CDH7: variants seen among roughly 807,000 people sequenced by gnomAD.
The protein encoded by CDH7 is cadherin 7.
A neutral mutation model predicts 71.8 loss-of-function variants in CDH7; 25 were observed. The ratio of observed to expected loss-of-function variants is 0.35; its 90% confidence interval spans 0.25 to 0.49. The LOEUF is 0.49. Ranked by LOEUF, CDH7 falls within the 20% of genes least tolerant of loss-of-function variation. The pLI, the probability that CDH7 is intolerant of heterozygous loss-of-function variation, is 0.99. For missense variants in CDH7, 862 were observed against 974.6 expected, an observed-to-expected ratio of 0.88 and a Z score of 1.54; for synonymous variants, 381 against 363.8, an observed-to-expected ratio of 1.05 and a Z score of -0.54.
intron 1 of CDH7, among the ~76,000 whole-genome samples, chr18:65,751,550 G>T (rs1030501513): frequency 8.5e-5 from 13 of 152,288 alleles, no homozygotes; most frequent in African/African-American, 2.9e-4. Context: ...ACTCCGCGCC[G>T]GCTGTGCCGC....
chr18:65,811,966 C>CTTTTTTTTTT (rs57594274), intron 3 of CDH7, among the ~76,000 whole-genome samples: 86 of 95,878 alleles, frequency 9.0e-4, no homozygotes, highest in African/African-American at 1.8e-3. Flanking sequence ...CTTTTCTTTT[C>CTTTTTTTTTT]TTTTTTTTTT....
intron 2 of CDH7, among the ~76,000 whole-genome samples, chr18:65,781,799 CTTCCTTCCTTCCTTCCTTCCTTCTTTCT>C (rs1355539994): frequency 1.6e-5 from 1 of 63,658 alleles, no homozygotes; most frequent in African/African-American, 1.1e-4. Context: ...TCCTTCCTTC[CTTCCTTCCTTCCTTCCTTCCTTCTTTCT>C]TTCTTTCTTT....
rs370387600 is a variant in CDH7 at position 65,816,890 on chromosome 18, AT to A, written c.625+2288del. On this transcript the variant is annotated intron_variant, in intron 4 of 11. Transcript: ENST00000397968. ...CTAGGAGATTATGGACATTACATTT[AT>A]TCCATTAAACATACTTAGGAGTATT... Among the ~76,000 whole-genome samples the A allele has an allele frequency of 2.6e-3, 397 of 152,306 alleles. 4 individuals carry two copies. Among genetic ancestry groups the A allele is most frequent in the African/African-American group, 9.0e-3 (375 of 41,566 alleles).
chr18:65,853,241 TC>T (rs1323896284), intron 7 of CDH7, among the ~76,000 whole-genome samples: 5 of 152,198 alleles, frequency 3.3e-5, no homozygotes, highest in African/African-American at 4.8e-5. Flanking sequence ...TAGTGGTGGT[TC>T]ATGACTAGGA....
chr18:65,862,904 C>G lies in CDH7; in HGVS notation c.1851C>G (p.Val617=). The G allele has an allele frequency of 6.2e-7, 1 of 1,614,104 alleles. No individual in the cohort carries two copies. Among genetic ancestry groups the G allele is most frequent in the Non-Finnish European group, 8.5e-7 (1 of 1,179,994 alleles). Residue 617 remains valine, a synonymous_variant, in exon 11 of 12, where the codon GTC becomes GTG. Transcript: ENST00000397968. ...CCCTGATAGCCATACTCGCCTGTGTCTTGACATTATTGGGTAGGTACTGTT... is the reference window on the plus strand; with the variant it reads ...CCCTGATAGCCATACTCGCCTGTGTGTTGACATTATTGGGTAGGTACTGTT... ...TGALIAILAC[V]LTLLVLILLI...
chr18:65,799,835 A>C (rs538103896), intron 2 of CDH7, among the ~76,000 whole-genome samples: 72 of 152,180 alleles, frequency 4.7e-4, no homozygotes, highest in African/African-American at 1.6e-3. Context: ...GGCAAAAAGG[A>C]AATTGTTTGC....
At chr18:65,823,792 A>G (rs1300040340) in intron 5 of CDH7, among the ~76,000 whole-genome samples, 1 of 151,284 alleles carries the variant, frequency 6.6e-6, no homozygotes, top group African/African-American at 2.4e-5. Flanking sequence ...AGACAGGACA[A>G]ATGCACCACA....
In CDH7 at chr18:65,824,846, A is replaced by C. The variant is rs775314423; in HGVS notation, c.981+15A>C. ...CTATACAGAAGGTAATGTTTTCTTTATTTATCTTTTATCACAGATTACTGA... is the reference window on the plus strand; with the variant it reads ...CTATACAGAAGGTAATGTTTTCTTTCTTTATCTTTTATCACAGATTACTGA... On this transcript the variant is annotated intron_variant, in intron 6 of 11. Transcript: ENST00000397968. The C allele has an allele frequency of 2.5e-5, 38 of 1,546,938 alleles. No individual in the cohort carries two copies. In the African/African-American group the frequency reaches 3.9e-4, roughly 16 times the overall value.
At chr18:65,846,428 C>T (rs1912937550) in intron 7 of CDH7, among the ~76,000 whole-genome samples, 1 of 152,012 alleles carries the variant, frequency 6.6e-6, no homozygotes, top group African/African-American at 2.4e-5. Context: ...TAGACTTTGT[C>T]CCCAGTGAAT....
chr18:65,837,680 C>A (rs761796307), intron 6 of CDH7, among the ~76,000 whole-genome samples: 1 of 151,958 alleles, frequency 6.6e-6, no homozygotes, highest in Non-Finnish European at 1.5e-5. Context: ...TAGAAAGAAA[C>A]CTGTTTAAAT....
At chr18:65,753,901 G>A (rs1184198726) in intron 1 of CDH7, among the ~76,000 whole-genome samples, 1 of 152,096 alleles carries the variant, frequency 6.6e-6, no homozygotes, top group Non-Finnish European at 1.5e-5. Flanking sequence ...TTTTCATTCT[G>A]GTAGAATCTC....
chr18:65,845,094 A>C (rs1912889660), intron 7 of CDH7, among the ~76,000 whole-genome samples: 1 of 151,898 alleles, frequency 6.6e-6, no homozygotes, highest in Non-Finnish European at 1.5e-5. Context: ...GATTTTAAAA[A>C]GCCGATAATG....
At chr18:65,838,653 G>A (rs1324290998) in intron 6 of CDH7, among the ~76,000 whole-genome samples, 2 of 152,132 alleles carry the variant, frequency 1.3e-5, no homozygotes, top group Non-Finnish European at 2.9e-5. Flanking sequence ...AACTTAACGA[G>A]TATGTATTTG....
intron 6 of CDH7, among the ~76,000 whole-genome samples, chr18:65,838,293 C>A (rs1912606172): frequency 6.6e-6 from 1 of 152,056 alleles, no homozygotes; most frequent in Non-Finnish European, 1.5e-5. Flanking sequence ...CACTCAAGCC[C>A]ATTTACTTAG....
chr18:65,835,858 A>T (rs1194819109), intron 6 of CDH7, among the ~76,000 whole-genome samples: 1 of 152,216 alleles, frequency 6.6e-6, no homozygotes, highest in Non-Finnish European at 1.5e-5. Context: ...TGAACGTTTT[A>T]CCTTATGTGG....
chr18:65,750,516 C>G (rs1915830969), upstream of CDH7: 1 of 152,234 alleles, frequency 6.6e-6, no homozygotes, highest in South Asian at 2.1e-4. Context: ...TATTTTCCTG[C>G]GAAGGAATCC....
intron 7 of CDH7, among the ~76,000 whole-genome samples, chr18:65,855,192 T>C (rs1275511184): frequency 6.6e-6 from 1 of 151,910 alleles, no homozygotes; most frequent in East Asian, 1.9e-4. Context: ...AGAAAAACAT[T>C]AGTAGAATAA....
intron 2 of CDH7, among the ~76,000 whole-genome samples, chr18:65,792,616 T>C (rs1393879504): frequency 6.6e-6 from 1 of 152,106 alleles, no homozygotes; most frequent in Non-Finnish European, 1.5e-5. Context: ...TTGCTTTTTC[T>C]TTACATGGCC....
At chr18:65,817,435 C>T (rs1911761108) in intron 4 of CDH7, among the ~76,000 whole-genome samples, 1 of 152,164 alleles carries the variant, frequency 6.6e-6, no homozygotes, top group Admixed American at 6.5e-5. Context: ...CACTGGAATT[C>T]TTTGATGTTC....
Sources: gnomAD v4.1 joint callset for allele counts (sites outside exome capture counted in the v4.1 genomes callset) on GRCh38, gnomAD v4.1.1 for gene constraint, MANE v1.5 for transcripts, NCBI Gene and HGNC (gene_info 2026-07-23, HGNC 2026-07-21) for gene names.